The following RPP40 variants were observed in gnomAD, a reference collection of about 807,000 sequenced individuals.
The protein encoded by RPP40 is ribonuclease P protein subunit p40.
RPP40 carries 30 observed loss-of-function variants against 42.5 expected under a neutral mutation model. That is an observed-to-expected ratio of 0.71 (90% CI 0.53 to 0.96). The LOEUF (loss-of-function observed/expected upper bound fraction) is 0.96, where lower values mean the gene tolerates loss of function less well. RPP40 is among the 40% of genes least tolerant of loss of function. The pLI is 0.00. For synonymous variants in RPP40, 173 were observed against 164.0 expected, an observed-to-expected ratio of 1.05 and a Z score of -0.42; for missense variants, 426 against 433.5, an observed-to-expected ratio of 0.98 and a Z score of 0.15.
At chr6:4,993,027 C>T (rs1411632531), downstream of RPP40, among the ~76,000 whole-genome samples, 2 of 152,182 alleles carry the variant, frequency 1.3e-5, no homozygotes, top group African/African-American at 4.8e-5. Context: ...ATCCATTTTA[C>T]TCTTACATAT....
chr6:4,998,156 G>A (rs1482661345), intron 5 of RPP40, among the ~76,000 whole-genome samples: 1 of 152,154 alleles, frequency 6.6e-6, no homozygotes, highest in Non-Finnish European at 1.5e-5. Context: ...CATAATTCCT[G>A]ATGACTTGAT....
the RPP40 span, among the ~76,000 whole-genome samples, chr6:4,988,955 T>A: frequency 6.6e-6 from 1 of 152,184 alleles, no homozygotes; most frequent in Non-Finnish European, 1.5e-5. Context: ...GGAGATAAAG[T>A]TTTTCAGCAT....
At chr6:4,997,660 T>A (rs1759423358) in intron 5 of RPP40, among the ~76,000 whole-genome samples, 1 of 152,094 alleles carries the variant, frequency 6.6e-6, no homozygotes, top group South Asian at 2.1e-4. Context: ...CATCCATCCA[T>A]CCATCCATCC....
At chr6:4,997,755 TCTGA>T (rs970571013) in intron 5 of RPP40, among the ~76,000 whole-genome samples, 2 of 152,176 alleles carry the variant, frequency 1.3e-5, no homozygotes, top group African/African-American at 4.8e-5. Flanking sequence ...GTCCTGTGTC[TCTGA>T]CCCAGGGCTT....
downstream of RPP40, among the ~76,000 whole-genome samples, chr6:4,990,870 GCTTTGGTAATTTGTGC>G (rs1759251374): frequency 6.6e-6 from 1 of 152,028 alleles, no homozygotes; most frequent in South Asian, 2.1e-4. Flanking sequence ...TCTTGGGTGA[GCTTTGGTAATTTGTGC>G]CTTTCAAAGG....
In RPP40 at chr6:4,996,338, C is replaced by T. The variant is rs768015607; in HGVS notation, c.642G>A (p.Leu214=). Residue 214 remains leucine, a synonymous_variant, in exon 6 of 8, where the codon TTG becomes TTA. Transcript: ENST00000380051. The stretch of plus-strand genomic sequence containing the variant: ...GCAGCACTGGGCACTGGAGATCTCT[C>T]AACGTGCTCAGTGCTACTTTTGGCT... The part of the protein sequence containing the change: ...EHQPKVALST[L]RDLQCPVLQS... The T allele has an allele frequency of 3.1e-6, 5 of 1,614,094 alleles. No individual in the cohort carries two copies. Among genetic ancestry groups the T allele is most frequent in the Non-Finnish European group, 4.2e-6 (5 of 1,180,014 alleles).
chr6:4,998,865 T>TATATTTCATTCATATACG lies in RPP40; in HGVS notation c.434-42_434-25dup, dbSNP rs1759460907. On this transcript the variant is annotated intron_variant, in intron 4 of 7. Coordinates refer to ENST00000380051, the MANE Select transcript of RPP40 (RefSeq NM_006638.4). Reference sequence around the variant, plus strand: ...AACTTTAAAAATGAAAAAAAGAACATATATTTCATTCATATACGTACAGCT... The same window carrying TATATTTCATTCATATACG: ...AACTTTAAAAATGAAAAAAAGAACATATATTTCATTCATATACGATATTTCATTCATATACGTACAGCT... 3.7e-6 allele frequency: 5 copies of TATATTTCATTCATATACG among 1,346,214 alleles called. No individual in the cohort carries two copies. In the East Asian group the frequency reaches 1.2e-4, roughly 33 times the overall value. 83.4% of individuals were successfully genotyped at this position (1,346,214 alleles called of 1,614,324 possible).
chr6:5,001,991 AC>A, intron 2 of RPP40, 109 bp downstream of exon 2: 2 of 931,840 alleles, frequency 2.1e-6, no homozygotes, highest in Non-Finnish European at 3.3e-6. Context: ...GACCACACAG[AC>A]TATACCACAG....
rs760719779 is a variant in RPP40 at position 5,003,900 on chromosome 6, T to A, written c.103A>T (p.Thr35Ser). 2.5e-6 allele frequency: 4 copies of A among 1,613,616 alleles called. No homozygotes were observed. The South Asian group carries it at 3.3e-5, about 13-fold the overall frequency. The change falls in exon 1 of 8, where the codon ACG becomes TCG. Residue 35 changes from threonine (T) to serine (S), a missense_variant. By Grantham distance (58) the Thr-to-Ser change is moderately conservative. Coordinates refer to ENST00000380051, the MANE Select transcript of RPP40 (RefSeq NM_006638.4). ...HKSRHRHLVQ[T>S]HYYNYRVSFL... ...CTCACCCTGTAGTTATAGTAGTGCG[T>A]CTGCACAAGATGCCGGTGGCGCGAC... is the stretch of plus-strand genomic sequence containing the variant.
chr6:5,003,354 AAAAAAAAAAAAAAG>A (rs1452087019), intron 1 of RPP40, among the ~76,000 whole-genome samples: 3 of 149,310 alleles, frequency 2.0e-5, no homozygotes, highest in Non-Finnish European at 3.0e-5. Flanking sequence ...CTAAAAAAAA[AAAAAAAAAAAAAAG>A]GAAAATCAGT....
chr6:4,997,440 CTG>C (rs1759416926), intron 5 of RPP40, among the ~76,000 whole-genome samples: 1 of 152,230 alleles, frequency 6.6e-6, no homozygotes, highest in Non-Finnish European at 1.5e-5. Flanking sequence ...CCTTTGGACT[CTG>C]GGGCTTGCAC....
At position 4,995,051 on chromosome 6, in the gene RPP40, GT is replaced by G; in HGVS notation, c.*26del. On this transcript the variant is annotated 3_prime_UTR_variant, in exon 8 of 8. Transcript: ENST00000380051. ...AATCTGAAAGCAAGCGTAAATGTAA[GT>G]AAACACGATTTTTAATTTTTATTTT... The G allele has an allele frequency of 6.3e-7, 1 of 1,587,498 alleles. No homozygotes were observed. The highest frequency in any genetic ancestry group is 8.6e-7 in the Non-Finnish European group (1 of 1,164,114).
Position 4,996,343 on chromosome 6 carries a change from T to G in RPP40, c.637A>C (p.Thr213Pro), listed in dbSNP as rs1200241949. Residue 213 changes from threonine (T) to proline (P), a missense_variant, in exon 6 of 8, where the codon ACG becomes CCG. Transcript: ENST00000380051. ...QEHQPKVALS[T>P]LRDLQCPVLQ... is the part of the protein sequence containing the mutation. ...ACTGGGCACTGGAGATCTCTCAACGTGCTCAGTGCTACTTTTGGCTGATGC... is the reference window on the plus strand; with the variant it reads ...ACTGGGCACTGGAGATCTCTCAACGGGCTCAGTGCTACTTTTGGCTGATGC... The G allele has an allele frequency of 5.6e-6, 9 of 1,614,038 alleles. No homozygotes were observed. The highest frequency in any genetic ancestry group is 7.6e-6 in the Non-Finnish European group (9 of 1,180,050).
At chr6:5,001,217 G>A in intron 2 of RPP40, 3 of 448,640 alleles carry the variant, frequency 6.7e-6, no homozygotes, top group South Asian at 4.7e-5. Flanking sequence ...TTTCCTCACT[G>A]TTAAATGAGG....
At chr6:4,991,086 TC>T (rs1048363970), downstream of RPP40, among the ~76,000 whole-genome samples, 2 of 152,020 alleles carry the variant, frequency 1.3e-5, no homozygotes, top group African/African-American at 2.4e-5. Context: ...TAAAAAAATT[TC>T]CCCCCCAAAC....
At position 4,994,781 on chromosome 6, in the gene RPP40, G is replaced by A; in HGVS notation, c.*297C>T. On this transcript the variant is annotated 3_prime_UTR_variant, in exon 8 of 8. Transcript: ENST00000380051. The stretch of plus-strand genomic sequence containing the variant: ...ATGAACAAAATATATCTCAACCAAT[G>A]GAGTGAGATGGGGACCAATATCCCC... 1 of 337,244 alleles carries A rather than the reference G, an allele frequency of 3.0e-6. No individual in the cohort carries two copies. The highest frequency in any genetic ancestry group is 8.3e-5 in the South Asian group (1 of 12,052). 20.9% of individuals were successfully genotyped at this position (337,244 alleles called of 1,614,324 possible).
At chr6:5,002,273 T>C in intron 1 of RPP40, 28 bp from the exon 2 acceptor site, 2 of 1,549,978 alleles carry the variant, frequency 1.3e-6, no homozygotes, top group Non-Finnish European at 1.7e-6. Flanking sequence ...ACAAACAAGG[T>C]CTTACTTCCA....
In RPP40 at chr6:4,994,790, T is replaced by G; in HGVS notation, c.*288A>C. 1 of 362,346 alleles carries G rather than the reference T, an allele frequency of 2.8e-6. No homozygotes were observed. Among genetic ancestry groups the G allele is most frequent in the Non-Finnish European group, 5.0e-6 (1 of 200,584 alleles). The allele number at this position is 362,346 out of a possible 1,614,324, so 22.4% of individuals were successfully genotyped here. A position where few individuals can be genotyped will look rare whatever the true frequency, so the allele number is the denominator to read the frequency against. ...ATATATCTCAACCAATGGAGTGAGA[T>G]GGGGACCAATATCCCCGGTCCCTGG... On this transcript the variant is annotated 3_prime_UTR_variant, in exon 8 of 8. Transcript: ENST00000380051.
chr6:5,000,709 A>T, intron 2 of RPP40, 78 bp from the exon 3 acceptor site: 1 of 929,208 alleles, frequency 1.1e-6, no homozygotes, highest in Admixed American at 1.9e-5. Flanking sequence ...TTTTTACAAG[A>T]TAACCAGTCT....
Sources: allele counts gnomAD v4.1 joint callset (sites outside exome capture counted in the v4.1 genomes callset), GRCh38; gene constraint gnomAD v4.1.1; transcripts MANE v1.5; gene names NCBI Gene and HGNC (gene_info 2026-07-23, HGNC 2026-07-21).